The following NRXN3 variants were observed in gnomAD, a reference collection of about 807,000 sequenced individuals.
The protein encoded by NRXN3 is neurexin III.
NRXN3 carries 32 observed loss-of-function variants against 137.6 expected under a neutral mutation model. That is an observed-to-expected ratio of 0.23 (90% confidence interval 0.18 to 0.31). The LOEUF (loss-of-function observed/expected upper bound fraction) is 0.31, where lower values mean the gene tolerates loss of function less well. Ranked by LOEUF, NRXN3 falls within the 10% of genes least tolerant of loss-of-function variation. The pLI, the probability that NRXN3 is intolerant of heterozygous loss-of-function variation, is 1.00. For synonymous variants in NRXN3, 798 were observed against 784.5 expected, an observed-to-expected ratio of 1.02 and a Z score of -0.29; for missense variants, 1,574 against 2,062.5, an observed-to-expected ratio of 0.76 and a Z score of 4.59.
intron 10 of NRXN3, among the ~76,000 whole-genome samples, chr14:78,910,506 C>A (rs527247362): frequency 7.9e-5 from 12 of 152,172 alleles, no homozygotes; most frequent in African/African-American, 2.9e-4. Context: ...AAAGTTGCTG[C>A]TTTTCCCACC....
intron 20 of NRXN3, among the ~76,000 whole-genome samples, chr14:79,859,658 T>A (rs902270107): frequency 3.3e-5 from 5 of 152,144 alleles, no homozygotes; most frequent in African/African-American, 1.2e-4. Flanking sequence ...GCTACAGTCT[T>A]ATCTGTTAAC....
At chr14:78,490,631 A>G (rs1244048477) in intron 4 of NRXN3, among the ~76,000 whole-genome samples, 3 of 152,120 alleles carry the variant, frequency 2.0e-5, no homozygotes, top group African/African-American at 7.2e-5. Context: ...TTACAGAAAA[A>G]TGTTTGCATT....
chr14:78,807,994 C>A (rs1321095895), intron 9 of NRXN3, among the ~76,000 whole-genome samples: 1 of 151,572 alleles, frequency 6.6e-6, no homozygotes, highest in Non-Finnish European at 1.5e-5. Flanking sequence ...TTTAAAAAAC[C>A]ACATATATAA....
intron 15 of NRXN3, among the ~76,000 whole-genome samples, chr14:79,288,620 G>A (rs1283443877): frequency 6.6e-6 from 1 of 152,206 alleles, no homozygotes; most frequent in Admixed American, 6.5e-5. Context: ...AAACCTGGTT[G>A]TGACCAGAAA....
chr14:78,503,628 A>G (rs2153778538), intron 4 of NRXN3, among the ~76,000 whole-genome samples: 1 of 152,262 alleles, frequency 6.6e-6, no homozygotes, highest in African/African-American at 2.4e-5. Flanking sequence ...GACCACCATC[A>G]GCAGGATCAG....
chr14:79,434,734 G>A (rs2095816585), intron 15 of NRXN3, among the ~76,000 whole-genome samples: 1 of 152,206 alleles, frequency 6.6e-6, no homozygotes, highest in Admixed American at 6.5e-5. Context: ...CTGAATGAAA[G>A]TGAGGGAAGC....
At chr14:79,292,857 A>C (rs918015057) in intron 15 of NRXN3, among the ~76,000 whole-genome samples, 1 of 152,234 alleles carries the variant, frequency 6.6e-6, no homozygotes, top group Non-Finnish European at 1.5e-5. Flanking sequence ...CATGAGAACT[A>C]AGTCTGCCGT....
intron 8 of NRXN3, among the ~76,000 whole-genome samples, chr14:78,724,790 A>T (rs895444334): frequency 3.9e-5 from 6 of 152,150 alleles, no homozygotes; most frequent in Non-Finnish European, 8.8e-5. Context: ...TGGAGGGAAG[A>T]GATGTATATA....
chr14:79,428,200 G>A (rs1021609368), intron 15 of NRXN3, among the ~76,000 whole-genome samples: 2 of 152,070 alleles, frequency 1.3e-5, no homozygotes, highest in African/African-American at 4.8e-5. Context: ...ATTTCAAATA[G>A]CCCATTTGTT....
chr14:79,268,777 C>T (rs1025697957), intron 15 of NRXN3, among the ~76,000 whole-genome samples: 4 of 152,054 alleles, frequency 2.6e-5, no homozygotes, highest in African/African-American at 9.7e-5. Flanking sequence ...ACAATCTATG[C>T]CTCATTTTCT....
intron 15 of NRXN3, among the ~76,000 whole-genome samples, chr14:79,465,952 A>C (rs1028507038): frequency 5.3e-5 from 8 of 152,224 alleles, no homozygotes; most frequent in African/African-American, 1.9e-4. Context: ...GAAATTAAAA[A>C]TGTGTTTCTT....
intron 15 of NRXN3, among the ~76,000 whole-genome samples, chr14:79,269,791 C>G (rs1014243050): frequency 6.6e-6 from 1 of 151,616 alleles, no homozygotes; most frequent in Non-Finnish European, 1.5e-5. Context: ...GTAGGTGTTG[C>G]TAGTGGAGAA....
chr14:78,262,782 T>TG (rs1299452535), intron 2 of NRXN3, among the ~76,000 whole-genome samples: 2 of 152,154 alleles, frequency 1.3e-5, no homozygotes, highest in East Asian at 3.9e-4. Context: ...TAGTGGAAAA[T>TG]CTGAGGCTGG....
intron 15 of NRXN3, among the ~76,000 whole-genome samples, chr14:79,121,825 C>T (rs2055494066): frequency 1.3e-5 from 2 of 152,176 alleles, no homozygotes; most frequent in Non-Finnish European, 2.9e-5. Flanking sequence ...GAAATTTAAG[C>T]TCTGTTGTTA....
intron 15 of NRXN3, among the ~76,000 whole-genome samples, chr14:79,296,517 G>T (rs1203458591): frequency 2.6e-5 from 4 of 151,826 alleles, no homozygotes; most frequent in African/African-American, 9.7e-5. Flanking sequence ...GTAGAGCTCA[G>T]TTGTGAGAAG....
chr14:79,404,856 T>C (rs2095278331), intron 15 of NRXN3, among the ~76,000 whole-genome samples: 1 of 152,184 alleles, frequency 6.6e-6, no homozygotes, highest in African/African-American at 2.4e-5. Context: ...CTTTCATGTA[T>C]CTGCCCTGGC....
intron 19 of NRXN3, among the ~76,000 whole-genome samples, chr14:79,749,686 C>A (rs1003353797): frequency 6.6e-6 from 1 of 152,122 alleles, no homozygotes; most frequent in Non-Finnish European, 1.5e-5. Context: ...ATCTGGGAAG[C>A]CTTTGTCACC....
intron 14 of NRXN3, among the ~76,000 whole-genome samples, chr14:78,969,054 C>A (rs2099429229): frequency 6.6e-6 from 1 of 152,122 alleles, no homozygotes; most frequent in South Asian, 2.1e-4. Flanking sequence ...ATAAAACTTA[C>A]CTTGAATGTA....
In NRXN3 at chr14:79,087,622, G is replaced by A. The variant is rs78232865; in HGVS notation, c.3262+99481G>A. Reference sequence around the variant, plus strand: ...CATATTTCCTGGTACAGAAAAGGGGGAACACTCAAGTAGAAGAGTAAAGCA... The same window carrying A: ...CATATTTCCTGGTACAGAAAAGGGGAAACACTCAAGTAGAAGAGTAAAGCA... On this transcript the variant is annotated intron_variant, in intron 15 of 20. Transcript: ENST00000335750. Among the ~76,000 whole-genome samples, 784 of 152,164 alleles carry A rather than the reference G, an allele frequency of 5.2e-3. 7 individuals carry two copies. Among genetic ancestry groups the A allele is most frequent in the African/African-American group, 0.018 (740 of 41,514 alleles).
Sources: allele counts gnomAD v4.1 joint callset (sites outside exome capture counted in the v4.1 genomes callset), GRCh38; gene constraint gnomAD v4.1.1; transcripts MANE v1.5; gene names NCBI Gene and HGNC (gene_info 2026-07-23, HGNC 2026-07-21).